The following TENT4B variants were observed in gnomAD, a reference collection of about 807,000 sequenced individuals.
TENT4B encodes PAP associated domain containing 5.
Under a neutral mutation model 75.0 loss-of-function variants are expected in TENT4B, and 10 were observed. That is an observed-to-expected ratio of 0.13 (90% CI 0.08 to 0.23). The LOEUF (loss-of-function observed/expected upper bound fraction) is 0.23, where lower values mean the gene tolerates loss of function less well. TENT4B is among the 10% of genes least tolerant of loss of function. The pLI is 1.00. For missense variants in TENT4B, 579 were observed against 893.8 expected (o/e 0.65, Z 4.49); for synonymous variants, 350 against 357.7 (o/e 0.98, Z 0.24).
intron 5 of TENT4B, among the ~76,000 whole-genome samples, chr16:50,219,670 CTCTCCCTCCCCCTTTTCT>C (rs935739136): frequency 1.3e-4 from 19 of 151,436 alleles, no homozygotes; most frequent in African/African-American, 4.6e-4. Flanking sequence ...CATTTTCTCT[CTCTCCCTCCCCCTTTTCT>C]TCTCCCTCCC....
rs374765286 is a variant in TENT4B, at chr16:50,174,358, A to G, written c.638+20099A>G. On this transcript the variant is annotated intron_variant, in intron 1 of 11. Transcript: ENST00000561678. The stretch of plus-strand genomic sequence containing the variant: ...AGTGATCCACCCACCTTTGCCTCCC[A>G]AAGTAATGAGATTACAGGCGTGAGC... Among the ~76,000 whole-genome samples the G allele has an allele frequency of 1.5e-4, 23 of 152,326 alleles. No homozygotes were observed. In the East Asian group the frequency reaches 4.2e-3, roughly 28 times the overall value.
Position 50,230,636 on chromosome 16 carries a change from C to G in TENT4B, c.*1308C>G, listed in dbSNP as rs2032262145. 2.0e-6 allele frequency: 2 copies of G among 984,312 alleles called. No individual in the cohort carries two copies. Among genetic ancestry groups the G allele is most frequent in the South Asian group, 9.4e-5 (2 of 21,246 alleles). The allele number at this position is 984,312 out of a possible 1,614,324, so 61.0% of individuals were successfully genotyped here. ...ACTTCTTGTCATCCCATTCTTTATC[C>G]TCTTCTTTCATGGAATTGTTATCGT... On this transcript the variant is annotated 3_prime_UTR_variant, in exon 12 of 12. Transcript: ENST00000561678.
chr16:50,207,688 A>C (rs1037663507), intron 1 of TENT4B, among the ~76,000 whole-genome samples: 1 of 152,198 alleles, frequency 6.6e-6, no homozygotes, highest in Non-Finnish European at 1.5e-5. Flanking sequence ...ATCATATTAA[A>C]TTTTGATCCA....
intron 1 of TENT4B, among the ~76,000 whole-genome samples, chr16:50,206,588 G>A (rs1433952024): frequency 6.6e-6 from 1 of 152,094 alleles, no homozygotes; most frequent in Non-Finnish European, 1.5e-5. Flanking sequence ...CTCTTGGGAA[G>A]CAGTGTCATC....
intron 1 of TENT4B, among the ~76,000 whole-genome samples, chr16:50,202,733 T>C (rs896154376): frequency 6.6e-6 from 1 of 152,192 alleles, no homozygotes; most frequent in Non-Finnish European, 1.5e-5. Context: ...AAAGCAACTC[T>C]TGGGTAATGA....
At chr16:50,224,191 T>C (rs187534440) in intron 7 of TENT4B, among the ~76,000 whole-genome samples, 45 of 152,294 alleles carry the variant, frequency 3.0e-4, no homozygotes, top group African/African-American at 1.1e-3. Flanking sequence ...AAACATTACA[T>C]TGATTGGGAG....
chr16:50,187,874 AAAG>A (rs1188178462), intron 1 of TENT4B, among the ~76,000 whole-genome samples: 3 of 152,134 alleles, frequency 2.0e-5, no homozygotes, highest in Admixed American at 2.0e-4. Flanking sequence ...TATTTTAAAA[AAAG>A]AAGAAAAAAA....
Position 50,234,702 on chromosome 16 carries a change from C to T in TENT4B, c.*5374C>T, listed in dbSNP as rs755604736. On this transcript the variant is annotated 3_prime_UTR_variant, in exon 12 of 12. Transcript: ENST00000561678. ...TCACAAGCTTGTTTGTTAGACGTGT[C>T]AAGAGTCTCCAGTCTTTACTACTAA... 1.2e-5 allele frequency: 12 copies of T among 985,264 alleles called. No individual in the cohort carries two copies. The highest frequency in any genetic ancestry group is 1.4e-5 in the Non-Finnish European group (12 of 829,922). The allele number at this position is 985,264 out of a possible 1,614,324, so 61.0% of individuals were successfully genotyped here. A position where few individuals can be genotyped will look rare whatever the true frequency, so the allele number is the denominator to read the frequency against.
At chr16:50,169,387 GTTTTTTTT>G (rs552275205) in intron 1 of TENT4B, among the ~76,000 whole-genome samples, 31 of 65,788 alleles carry the variant, frequency 4.7e-4, no homozygotes, top group East Asian at 3.7e-3. Context: ...GATTTTGTGG[GTTTTTTTT>G]TTTTTTTTTT....
intron 1 of TENT4B, among the ~76,000 whole-genome samples, chr16:50,196,891 G>A (rs1000876128): frequency 2.6e-5 from 4 of 151,818 alleles, no homozygotes; most frequent in Non-Finnish European, 5.9e-5. Context: ...AGCTATGGTT[G>A]TGCCACTGCA....
chr16:50,209,310 A>T (rs550544050), intron 1 of TENT4B, among the ~76,000 whole-genome samples: 1 of 152,212 alleles, frequency 6.6e-6, no homozygotes, highest in Non-Finnish European at 1.5e-5. Context: ...CATCTTTGCC[A>T]GCCAACCTGT....
chr16:50,154,137 C>T lies in TENT4B; in HGVS notation c.516C>T (p.Leu172=), dbSNP rs2150658161. 2 of 1,525,876 alleles carry T rather than the reference C, an allele frequency of 1.3e-6. No individual in the cohort carries two copies. Among genetic ancestry groups the T allele is most frequent in the East Asian group, 5.0e-5 (2 of 40,042 alleles). 94.5% of individuals were successfully genotyped at this position (1,525,876 alleles called of 1,614,324 possible). A position where few individuals can be genotyped will look rare whatever the true frequency, so the allele number is the denominator to read the frequency against. ...KRDNKASTYG[L]NYSLLQPSGG... ...ACAACAAGGCCAGCACGTATGGACT[C>T]AACTACAGCCTGCTGCAGCCCAGCG... Residue 172 remains leucine (L), a synonymous_variant, in exon 1 of 12, where the codon CTC becomes CTT. Transcript: ENST00000561678.
chr16:50,153,579 G>T lies in TENT4B; in HGVS notation c.-43G>T. 9 of 975,632 alleles carry T rather than the reference G, an allele frequency of 9.2e-6. No homozygotes were observed. Among genetic ancestry groups the T allele is most frequent in the Non-Finnish European group, 1.1e-5 (9 of 826,032 alleles). 60.4% of individuals were successfully genotyped at this position (975,632 alleles called of 1,614,324 possible). On this transcript the variant is annotated 5_prime_UTR_variant, in exon 1 of 12. Coordinates refer to ENST00000561678, the MANE Select transcript of TENT4B (RefSeq NM_001365324.3). ...CTGAGGCGGCGGCGGCGGCGGCCCT[G>T]CGGGCGGCCGGGAGGGGCGGGGGCA...
chr16:50,231,339 T>C lies in TENT4B; in HGVS notation c.*2011T>C, dbSNP rs184384784. ...GGACAATTGTGAATGTGTAGACTTA[T>C]GTTTACTGCTAAGGGAACAATTATT... On this transcript the variant is annotated 3_prime_UTR_variant, in exon 12 of 12. Coordinates refer to ENST00000561678, the MANE Select transcript of TENT4B (RefSeq NM_001365324.3). The C allele has an allele frequency of 4.7e-5, 46 of 981,240 alleles. No homozygotes were observed. The East Asian group carries it at 1.6e-3, about 34-fold the overall frequency. The allele number at this position is 981,240 out of a possible 1,614,324, so 60.8% of individuals were successfully genotyped here.
chr16:50,206,354 ATTT>A (rs35118426), intron 1 of TENT4B, among the ~76,000 whole-genome samples: 990 of 96,526 alleles, frequency 0.01, 4 homozygotes, highest in Non-Finnish European at 0.016. Context: ...ATATGTATGT[ATTT>A]TTTTTTTTTT....
Position 50,162,705 on chromosome 16 carries a change from G to A in TENT4B, c.638+8446G>A, listed in dbSNP as rs571884660. On this transcript the variant is annotated intron_variant, in intron 1 of 11. Coordinates refer to ENST00000561678, the MANE Select transcript of TENT4B (RefSeq NM_001365324.3). ...AGCAGTAACATTTTAACTTTTTTTT[G>A]TCTTTGAAGTAATTTTCAGTGTTTC... is the stretch of plus-strand genomic sequence containing the variant. Among the ~76,000 whole-genome samples the A allele has an allele frequency of 2.6e-5, 4 of 151,628 alleles. No homozygotes were observed. The East Asian group carries it at 7.7e-4, about 29-fold the overall frequency.
intron 1 of TENT4B, among the ~76,000 whole-genome samples, chr16:50,160,304 T>C (rs896159904): frequency 3.3e-5 from 5 of 152,174 alleles, no homozygotes; most frequent in Non-Finnish European, 5.9e-5. Context: ...ACTTTTTTTT[T>C]CCCCCTTCGT....
At position 50,212,930 on chromosome 16, in the gene TENT4B, A is replaced by T. The variant is rs2031363451; in HGVS notation, c.763-1291A>T. On this transcript the variant is annotated intron_variant, in intron 2 of 11. Transcript: ENST00000561678. ...CCTTATCTTTCTTAGGTGGAGGTTG[A>T]TTATCTATCTATCTCTTTCTCTCCA... Among the ~76,000 whole-genome samples the T allele has an allele frequency of 3.3e-5, 5 of 152,084 alleles. No individual in the cohort carries two copies. The South Asian group carries it at 1.0e-3, about 32-fold the overall frequency.
At chr16:50,184,615 C>T (rs1025569513) in intron 1 of TENT4B, among the ~76,000 whole-genome samples, 2 of 151,862 alleles carry the variant, frequency 1.3e-5, no homozygotes, top group East Asian at 3.9e-4. Context: ...GGCAGTGAGC[C>T]GAGATGGCGC....
Sources: gnomAD v4.1 joint callset for allele counts (sites outside exome capture counted in the v4.1 genomes callset) on GRCh38, gnomAD v4.1.1 for gene constraint, MANE v1.5 for transcripts, NCBI Gene and HGNC (gene_info 2026-07-23, HGNC 2026-07-21) for gene names.